The following JAG2 variants were observed in gnomAD, a reference collection of about 807,000 sequenced individuals.
JAG2 encodes jagged canonical Notch ligand 2.
A neutral mutation model predicts 141.7 loss-of-function variants in JAG2; 46 were observed. That is an observed-to-expected ratio of 0.32 (90% CI 0.26 to 0.42). JAG2 has a LOEUF of 0.42. JAG2 is among the 10% of genes least tolerant of loss of function. The pLI is 1.00. For missense variants in JAG2, 1,500 were observed against 1,817.5 expected, an observed-to-expected ratio of 0.83 and a Z score of 3.18; for synonymous variants, 862 against 763.5, an observed-to-expected ratio of 1.13 and a Z score of -2.13.
At position 105,151,117 on chromosome 14, in the gene JAG2, C is replaced by T; in HGVS notation, c.1268-13G>A. 6.2e-7 allele frequency: 1 copy of T among 1,604,472 alleles called. No homozygotes were observed. On this transcript the variant is annotated splice_polypyrimidine_tract_variant and intron_variant, in intron 9 of 25. Coordinates refer to ENST00000331782, the MANE Select transcript of JAG2 (RefSeq NM_002226.5). The stretch of plus-strand genomic sequence containing the variant: ...CACTCATTGGCGTCTGTGAAAGAGA[C>T]AAGGTGGGAGCCGTGGGGCTCGGGC...
intron 2 of JAG2, 90 bp from the exon 3 acceptor site, chr14:105,157,853 C>G: frequency 1.7e-6 from 2 of 1,207,762 alleles, no homozygotes; most frequent in Non-Finnish European, 2.4e-6. Flanking sequence ...CAGACGCTGC[C>G]CCTGGGTCTG....
Position 105,168,411 on chromosome 14 carries a change from G to C in JAG2, c.10C>G (p.Gln4Glu). The C allele has an allele frequency of 1.0e-6, 1 of 967,372 alleles. No individual in the cohort carries two copies. The highest frequency in any genetic ancestry group is 1.3e-6 in the Non-Finnish European group (1 of 799,790). The allele number at this position is 967,372 out of a possible 1,614,324, so 59.9% of individuals were successfully genotyped here. ...CGCCGGGGAAGGCGCCCCCGGCCCTGCGCCCGCATTGCCCCCGCGACCCGC... is the reference window on the plus strand; with the variant it reads ...CGCCGGGGAAGGCGCCCCCGGCCCTCCGCCCGCATTGCCCCCGCGACCCGC... MRA[Q>E]GRGRLPRRLL... The change falls in exon 1 of 26, where the codon CAG (glutamine) becomes GAG (glutamate). Residue 4 changes from glutamine (Q) to glutamate (E), a missense_variant. By Grantham distance (29) the Gln-to-Glu change is conservative. Coordinates refer to ENST00000331782, the MANE Select transcript of JAG2 (RefSeq NM_002226.5).
Position 105,151,967 on chromosome 14 carries a change from T to A in JAG2, c.1010A>T (p.Asp337Val), listed in dbSNP as rs201502188. ...EPDQYRCTCP[D>V]GYSGRNCEKA... is the part of the protein sequence containing the mutation. ...CTCACAGTTCCTGCCCGAGTAGCCG[T>A]CAGGGCAGGTGCAGCGGTACTGGTC... The change falls in exon 7 of 26, where the codon GAC becomes GTC. Residue 337 changes from aspartate to valine, a missense_variant. Asp to Val is a radical substitution (Grantham distance 152, BLOSUM62 -3). This residue lies in a region of JAG2 where 875 missense variants were observed against 1,202.2 expected (regional missense o/e 0.73). Coordinates refer to ENST00000331782, the MANE Select transcript of JAG2 (RefSeq NM_002226.5). 9 of 1,613,094 alleles carry A rather than the reference T, an allele frequency of 5.6e-6. No homozygotes were observed. The highest frequency in any genetic ancestry group is 7.6e-6 in the Non-Finnish European group (9 of 1,180,008).
chr14:105,165,817 G>C (rs1391952175), intron 2 of JAG2, among the ~76,000 whole-genome samples: 1 of 152,236 alleles, frequency 6.6e-6, no homozygotes, highest in African/African-American at 2.4e-5. Flanking sequence ...CCTCCAGGCT[G>C]AAACCCCTCC....
intron 24 of JAG2, 68 bp from the exon 25 acceptor site, chr14:105,143,706 A>G (rs1412530066): frequency 3.8e-6 from 6 of 1,574,738 alleles, no homozygotes; most frequent in Non-Finnish European, 5.2e-6. Flanking sequence ...TGCCCCCAAC[A>G]CTGAGGCCCT....
chr14:105,147,248 G>A, intron 20 of JAG2, 78 bp downstream of exon 20: 1 of 1,114,816 alleles, frequency 9.0e-7, no homozygotes. Flanking sequence ...CAAGGGACGT[G>A]GACGTTGATG....
chr14:105,144,966 C>T lies in JAG2; in HGVS notation c.3048G>A (p.Arg1016=). Residue 1016 remains arginine, a synonymous_variant, in exon 24 of 26, where the codon CGG becomes CGA. Coordinates refer to ENST00000331782, the MANE Select transcript of JAG2 (RefSeq NM_002226.5). ...RDRLLVLLCD[R]ASSGASAVEV... ...CCACAGCACTGGCCCCCGAGGACGC[C>T]CGGTCGCAAAGCAACACCAGCAGGC... 1 of 1,605,576 alleles carries T rather than the reference C, an allele frequency of 6.2e-7. No homozygotes were observed.
chr14:105,168,313 T>C (rs1888986880), intron 1 of JAG2, 42 bp downstream of exon 1: 2 of 696,128 alleles, frequency 2.9e-6, no homozygotes, highest in South Asian at 4.3e-5. Flanking sequence ...CGGCCCGGTG[T>C]GCCCCGTCCG....
At chr14:105,165,080 G>A (rs1174645146) in intron 2 of JAG2, among the ~76,000 whole-genome samples, 4 of 152,178 alleles carry the variant, frequency 2.6e-5, no homozygotes, top group Admixed American at 2.0e-4. Flanking sequence ...AAAGACCCTC[G>A]CTGGCAGGCA....
intron 2 of JAG2, among the ~76,000 whole-genome samples, chr14:105,157,972 C>T (rs1024597087): frequency 1.4e-4 from 21 of 152,342 alleles, no homozygotes; most frequent in African/African-American, 4.8e-4. Context: ...GGAGACTGCC[C>T]CTCCAGGCCA....
chr14:105,156,264 G>A (rs1382500401), intron 3 of JAG2, among the ~76,000 whole-genome samples: 2 of 152,110 alleles, frequency 1.3e-5, no homozygotes, highest in African/African-American at 4.8e-5. Context: ...CTGCAGGGAG[G>A]GCTGCTGAGA....
At chr14:105,152,970 T>G (rs1888481040) in intron 5 of JAG2, among the ~76,000 whole-genome samples, 1 of 151,544 alleles carries the variant, frequency 6.6e-6, no homozygotes, top group African/African-American at 2.4e-5. Context: ...GTCTTGGGAG[T>G]CCCCCAGGAG....
At chr14:105,160,477 T>G (rs1229568291) in intron 2 of JAG2, among the ~76,000 whole-genome samples, 1 of 151,340 alleles carries the variant, frequency 6.6e-6, no homozygotes, top group African/African-American at 2.4e-5. Flanking sequence ...TCACATCAAG[T>G]GTACAGCAGG....
At chr14:105,152,548 C>T (rs749803844) in intron 5 of JAG2, among the ~76,000 whole-genome samples, 10 of 152,292 alleles carry the variant, frequency 6.6e-5, no homozygotes, top group Middle Eastern at 3.4e-3. Context: ...TGGGATTCAC[C>T]CGTGAGCTGG....
chr14:105,155,726 C>T lies in JAG2; in HGVS notation c.727+12G>A, dbSNP rs747918359. The T allele has an allele frequency of 5.6e-6, 9 of 1,612,656 alleles. No individual in the cohort carries two copies. The highest frequency in any genetic ancestry group is 3.3e-5 in the South Asian group (3 of 91,074). On this transcript the variant is annotated intron_variant, in intron 4 of 25. Transcript: ENST00000331782. ...CCTCCCTGCCCTCCACGCAGCCCAG[C>T]GGCCCCCTCACCTTCCTTGCACTCC...
chr14:105,148,437 G>C lies in JAG2; in HGVS notation c.2023C>G (p.Pro675Ala). Residue 675 changes from proline to alanine, a missense_variant and splice_region_variant, in exon 16 of 26, where the codon CCC (proline) becomes GCC (alanine). Pro to Ala is a conservative substitution (Grantham distance 27). Coordinates refer to ENST00000331782, the MANE Select transcript of JAG2 (RefSeq NM_002226.5). Reference sequence around the variant, plus strand: ...CAGGGATCGGGAAGGCAGTCGTTGGGATCTGGGGGCGAGGACGCCGGTCAG... The same window carrying C: ...CAGGGATCGGGAAGGCAGTCGTTGGCATCTGGGGGCGAGGACGCCGGTCAG... ...GWEGELCDTN[P>A]NDCLPDPCHS... The C allele has an allele frequency of 6.2e-7, 1 of 1,610,404 alleles. No homozygotes were observed. The highest frequency in any genetic ancestry group is 8.5e-7 in the Non-Finnish European group (1 of 1,178,494).
chr14:105,161,670 G>A (rs1888752029), intron 2 of JAG2, among the ~76,000 whole-genome samples: 1 of 152,152 alleles, frequency 6.6e-6, no homozygotes. Flanking sequence ...CCACCTGCCA[G>A]CTCTCCCAGC....
intron 20 of JAG2, 25 bp from the exon 21 acceptor site, chr14:105,146,749 A>T: frequency 6.3e-7 from 1 of 1,576,114 alleles, no homozygotes. Context: ...ACCGCTGCTC[A>T]GTGCAGTGAG....
At position 105,167,305 on chromosome 14, in the gene JAG2, C is replaced by A. The variant is rs1451339895; in HGVS notation, c.417+452G>T. 6.6e-6 allele frequency among the ~76,000 whole-genome samples: 1 copy of A among 152,128 alleles called. No homozygotes were observed. On this transcript the variant is annotated intron_variant, in intron 2 of 25. Coordinates refer to ENST00000331782, the MANE Select transcript of JAG2 (RefSeq NM_002226.5). This position sits in a 1 kb window ranked among gnomAD's most constrained non-coding sequence, Gnocchi z 4.8. ...TAGGTCCCACGGCGCCCGCCCGTGC[C>A]CCCCAGGCATCCAGGAAACTGCAGG...
Sources: allele counts gnomAD v4.1 joint callset (sites outside exome capture counted in the v4.1 genomes callset), GRCh38; gene constraint gnomAD v4.1.1; regional missense constraint gnomAD v4.1.1; non-coding constraint Gnocchi (gnomAD v3.1); transcripts MANE v1.5; gene names NCBI Gene and HGNC (gene_info 2026-07-23, HGNC 2026-07-21).